IFT140: variants seen among roughly 807,000 people sequenced by gnomAD.
IFT140 encodes the protein intraflagellar transport 140.
Under a neutral mutation model 164.6 loss-of-function variants are expected in IFT140, and 133 were observed. The observed-to-expected ratio is 0.81, with a 90% confidence interval of 0.70 to 0.93. IFT140 has a LOEUF of 0.93. IFT140 is among the 40% of genes least tolerant of loss of function. The probability of loss-of-function intolerance (pLI) is 0.00; values close to 1 mark genes in which losing one functional copy is unlikely to be tolerated. For missense variants in IFT140, 2,045 were observed against 1,972.3 expected, an observed-to-expected ratio of 1.04 and a Z score of -0.70; for synonymous variants, 860 against 817.3, an observed-to-expected ratio of 1.05 and a Z score of -0.89.
rs186729006 is a variant in IFT140, at chr16:1,534,437, G to C, written c.2400-7641C>G. 1.3e-3 allele frequency: 2,092 copies of C among 1,611,952 alleles called. 60 individuals carry two copies. The East Asian group carries it at 0.043, about 33-fold the overall frequency. ...GGAGGTCCTGCTGGCTGGTGGACAG[G>C]ACCCGGGGAGGGCCGAGCCCTGGGG... On this transcript the variant is annotated intron_variant, in intron 19 of 30. Coordinates refer to ENST00000426508, the MANE Select transcript of IFT140 (RefSeq NM_014714.4).
chr16:1,511,160 AG>A lies in IFT140; in HGVS notation c.4183-11del. The A allele has an allele frequency of 6.3e-7, 1 of 1,593,832 alleles. No individual in the cohort carries two copies. The highest frequency in any genetic ancestry group is 1.1e-5 in the South Asian group (1 of 87,718). On this transcript the variant is annotated splice_polypyrimidine_tract_variant and intron_variant, in intron 30 of 30. Transcript: ENST00000426508. ...CCAGGAATCTGTAGGCCTGGGGCAG[AG>A]GAGCAGACATTACTCAGCTTTCCTG...
intron 13 of IFT140, chr16:1,577,287 A>G (rs2034326400): frequency 6.6e-6 from 1 of 152,198 alleles, no homozygotes. Context: ...GGTATCGATA[A>G]ACACAGTACA....
chr16:1,574,325 CTGGAG>C (rs2034165149), intron 13 of IFT140, among the ~76,000 whole-genome samples: 1 of 152,184 alleles, frequency 6.6e-6, no homozygotes, highest in African/African-American at 2.4e-5. Context: ...GTTGCCCAGG[CTGGAG>C]TGTAGTTGTA....
chr16:1,516,545 G>A (rs1183210793), intron 30 of IFT140, among the ~76,000 whole-genome samples: 23 of 152,158 alleles, frequency 1.5e-4, no homozygotes, highest in Admixed American at 1.1e-3. Flanking sequence ...CGAGGCGGGC[G>A]GATCATGAGG....
chr16:1,594,399 T>G (rs753143236), intron 4 of IFT140, among the ~76,000 whole-genome samples: 1 of 152,056 alleles, frequency 6.6e-6, no homozygotes, highest in Non-Finnish European at 1.5e-5. Context: ...TTTTGTATTT[T>G]CTGTACAGAT....
chr16:1,541,863 G>A (rs1489298754), intron 19 of IFT140: 41 of 1,496,290 alleles, frequency 2.7e-5, no homozygotes, highest in Non-Finnish European at 3.7e-5. Flanking sequence ...CGTGACGGCT[G>A]GCGTGGCCTC....
At chr16:1,578,297 A>C (rs1210955724) in intron 13 of IFT140, 1 of 152,184 alleles carries the variant, frequency 6.6e-6, no homozygotes, top group Non-Finnish European at 1.5e-5. Flanking sequence ...CATGTAAGGT[A>C]CAAGGACAGG....
rs1481623482 is a variant in IFT140 at position 1,544,518 on chromosome 16, C to T, written c.2399+13417G>A. On this transcript the variant is annotated intron_variant, in intron 19 of 30. Coordinates refer to ENST00000426508, the MANE Select transcript of IFT140 (RefSeq NM_014714.4). Reference sequence around the variant, plus strand: ...CTAATTTTTGTGTTTTTAGTAGAGACGGGGTTTCACCATGTTGGTCCAGCT... The same window carrying T: ...CTAATTTTTGTGTTTTTAGTAGAGATGGGGTTTCACCATGTTGGTCCAGCT... 3.3e-5 allele frequency among the ~76,000 whole-genome samples: 5 copies of T among 151,870 alleles called. 1 individual carries two copies. Among genetic ancestry groups the T allele is most frequent in the South Asian group, 4.2e-4 (2 of 4,810 alleles).
chr16:1,576,981 G>A lies in IFT140; in HGVS notation c.1524+3778C>T, dbSNP rs570633140. On this transcript the variant is annotated intron_variant, in intron 13 of 30. Coordinates refer to ENST00000426508, the MANE Select transcript of IFT140 (RefSeq NM_014714.4). ...ATGTTGTGCAGTGCTAATCACCTCC[G>A]AGTGGGCAGCTCCTCTCTCCAGCAA... 5 of 152,292 alleles carry A rather than the reference G, an allele frequency of 3.3e-5. No individual in the cohort carries two copies. In the South Asian group the frequency reaches 6.2e-4, roughly 19 times the overall value. The allele number at this position is 152,292 out of a possible 1,614,324, so 9.4% of individuals were successfully genotyped here.
chr16:1,529,894 G>A (rs1364655316), intron 19 of IFT140, among the ~76,000 whole-genome samples: 2 of 152,202 alleles, frequency 1.3e-5, no homozygotes, highest in Middle Eastern at 3.4e-3. Context: ...GCAGTGCAGG[G>A]GTCACATCTG....
chr16:1,524,488 C>A, intron 24 of IFT140, 64 bp downstream of exon 24: 1 of 1,577,718 alleles, frequency 6.3e-7, no homozygotes, highest in Non-Finnish European at 8.6e-7. Context: ...GTCCACTTTT[C>A]CACTTGAAGC....
At chr16:1,547,716 G>C (rs1212692362) in intron 19 of IFT140, among the ~76,000 whole-genome samples, 1 of 152,168 alleles carries the variant, frequency 6.6e-6, no homozygotes, top group East Asian at 1.9e-4. Flanking sequence ...TTGTATTTTT[G>C]GTAGAGATGG....
rs1388462982 is a variant in IFT140, at chr16:1,551,702, G to T, written c.2399+6233C>A. Among the ~76,000 whole-genome samples the T allele has an allele frequency of 6.6e-6, 1 of 152,168 alleles. No homozygotes were observed. The highest frequency in any genetic ancestry group is 2.1e-4 in the South Asian group (1 of 4,830). On this transcript the variant is annotated intron_variant, in intron 19 of 30. Coordinates refer to ENST00000426508, the MANE Select transcript of IFT140 (RefSeq NM_014714.4). This position sits in a 1 kb window ranked among gnomAD's most constrained non-coding sequence, Gnocchi z 4.0. ...GTTCACGGAAGAGCCTAAGATCAGC[G>T]GCACTTCAGTCTTCTACGGGGTTTT... is the stretch of plus-strand genomic sequence containing the variant.
chr16:1,522,504 T>TA (rs2141158179), intron 26 of IFT140, among the ~76,000 whole-genome samples: 1 of 152,140 alleles, frequency 6.6e-6, no homozygotes, highest in African/African-American at 2.4e-5. Context: ...CATTGCACTA[T>TA]AGCCTGGGCA....
chr16:1,567,699 A>G (rs992330080), intron 15 of IFT140, among the ~76,000 whole-genome samples: 13 of 152,178 alleles, frequency 8.5e-5, no homozygotes, highest in Non-Finnish European at 1.2e-4. Flanking sequence ...CACCAGCGGA[A>G]GGGAAGGAAC....
At position 1,588,022 on chromosome 16, in the gene IFT140, G is replaced by A; in HGVS notation, c.813C>T (p.Val271=). The change falls in exon 8 of 31, where the codon GTC becomes GTT. Residue 271 remains valine (V), a splice_region_variant and synonymous_variant. Transcript: ENST00000426508. ...PEGKAEEVMK[V]KLSGKTGRRA... is the part of the protein sequence containing the mutation. ...GGCGGCCGGTTTTCCCGCTCAGCTT[G>A]ACCTGTGTGAGGAAACAACCGAGCA... is the stretch of plus-strand genomic sequence containing the variant. The A allele has an allele frequency of 6.2e-7, 1 of 1,613,528 alleles. No homozygotes were observed. Among genetic ancestry groups the A allele is most frequent in the Non-Finnish European group, 8.5e-7 (1 of 1,179,744 alleles).
rs550704818 is a variant in IFT140, at chr16:1,611,798, A to G, written c.-222+170T>C. Among the ~76,000 whole-genome samples the G allele has an allele frequency of 1.3e-4, 19 of 150,394 alleles. No homozygotes were observed. The South Asian group carries it at 4.0e-3, about 31-fold the overall frequency. On this transcript the variant is annotated intron_variant, in intron 1 of 30. Transcript: ENST00000426508. ...CACTGCACTCCAGCCTGGGCGACAGAGCGAAACTCCGTCTCAAAAAAAAAA... is the reference window on the plus strand; with the variant it reads ...CACTGCACTCCAGCCTGGGCGACAGGGCGAAACTCCGTCTCAAAAAAAAAA...
At chr16:1,587,870 A>T in intron 8 of IFT140, 63 bp downstream of exon 8, 2 of 1,297,288 alleles carry the variant, frequency 1.5e-6, no homozygotes, top group Non-Finnish European at 1.1e-6. Context: ...CACAAAGCTG[A>T]CTTAGAGGAG....
intron 30 of IFT140, among the ~76,000 whole-genome samples, chr16:1,515,739 G>A (rs2040316386): frequency 6.6e-6 from 1 of 152,098 alleles, no homozygotes; most frequent in Admixed American, 6.5e-5. Context: ...AAGAATACAG[G>A]CAAAATAAAT....
Sources: allele counts gnomAD v4.1 joint callset (sites outside exome capture counted in the v4.1 genomes callset), GRCh38; gene constraint gnomAD v4.1.1; non-coding constraint Gnocchi (gnomAD v3.1); transcripts MANE v1.5; gene names NCBI Gene and HGNC (gene_info 2026-07-23, HGNC 2026-07-21).